The following YAF2 variants were observed in gnomAD, a reference collection of about 807,000 sequenced individuals.
YAF2 encodes the protein YY1-associated factor 2.
In YAF2, 7 loss-of-function variants were observed where a neutral mutation model predicts 20.1. That is an observed-to-expected ratio of 0.35 (90% CI 0.20 to 0.65). The LOEUF (loss-of-function observed/expected upper bound fraction) is 0.65. YAF2 is among the 30% of genes least tolerant of loss of function. The probability of loss-of-function intolerance (pLI) is 0.69; values close to 1 mark genes in which losing one functional copy is unlikely to be tolerated. For missense variants in YAF2, 151 were observed against 219.2 expected, an observed-to-expected ratio of 0.69 and a Z score of 1.96; for synonymous variants, 74 against 76.0, an observed-to-expected ratio of 0.97 and a Z score of 0.14.
At chr12:42,201,069 A>G (rs1284958628) in intron 2 of YAF2, among the ~76,000 whole-genome samples, 1 of 152,208 alleles carries the variant, frequency 6.6e-6, no homozygotes, top group Non-Finnish European at 1.5e-5. Context: ...AATACTAATT[A>G]ATGATAATAG....
Position 42,203,621 on chromosome 12 carries a change from T to C in YAF2, c.152+33978A>G, listed in dbSNP as rs1055738029. Among the ~76,000 whole-genome samples, 6 of 152,226 alleles carry C rather than the reference T, an allele frequency of 3.9e-5. No individual in the cohort carries two copies. In the East Asian group the frequency reaches 9.6e-4, roughly 24 times the overall value. On this transcript the variant is annotated intron_variant, in intron 2 of 3. Coordinates refer to ENST00000534854, the MANE Select transcript of YAF2 (RefSeq NM_005748.6). ...TTAATGGGTATTGAGTTTTAACATA[T>C]AGTTTTACTAAATTTATCTAGATTT... is the stretch of plus-strand genomic sequence containing the variant.
intron 2 of YAF2, chr12:42,199,218 G>C (rs1198322146): frequency 7.8e-7 from 1 of 1,288,912 alleles, no homozygotes; most frequent in African/African-American, 1.5e-5. Flanking sequence ...TGGTAACCAG[G>C]CTCTCTTCCT....
At chr12:42,198,886 TG>T (rs1403116119) in intron 2 of YAF2, among the ~76,000 whole-genome samples, 1 of 152,180 alleles carries the variant, frequency 6.6e-6, no homozygotes. Context: ...CAACTACATG[TG>T]GGTACTGAGC....
At chr12:42,221,525 C>T (rs1223779783) in intron 2 of YAF2, among the ~76,000 whole-genome samples, 2 of 152,162 alleles carry the variant, frequency 1.3e-5, no homozygotes, top group South Asian at 2.1e-4. Flanking sequence ...CACCACTGCA[C>T]TCCGGCCTGG....
intron 2 of YAF2, among the ~76,000 whole-genome samples, chr12:42,185,937 C>T (rs529544100): frequency 1.3e-5 from 2 of 152,198 alleles, no homozygotes; most frequent in Admixed American, 6.5e-5. Context: ...CAGTGGCTCA[C>T]GCCTGTAATC....
intron 1 of YAF2, 79 bp from the exon 2 acceptor site, chr12:42,237,803 C>G (rs2068226003): frequency 2.9e-6 from 3 of 1,050,266 alleles, no homozygotes; most frequent in Non-Finnish European, 3.5e-6. Flanking sequence ...CGCGGCCGCC[C>G]CCGCCCCGCC....
At chr12:42,228,062 G>A (rs1758921557) in intron 2 of YAF2, among the ~76,000 whole-genome samples, 1 of 111,206 alleles carries the variant, frequency 9.0e-6, no homozygotes, top group Admixed American at 8.1e-5. Flanking sequence ...CCGTCTGGGA[G>A]GTGAGGGGCG....
At chr12:42,211,865 A>G (rs895276015) in intron 2 of YAF2, among the ~76,000 whole-genome samples, 1 of 152,024 alleles carries the variant, frequency 6.6e-6, no homozygotes, top group Non-Finnish European at 1.5e-5. Flanking sequence ...CCTCACTAAC[A>G]TAGTGAAACC....
intron 2 of YAF2, among the ~76,000 whole-genome samples, chr12:42,202,694 A>G (rs1320073648): frequency 1.3e-5 from 2 of 152,166 alleles, no homozygotes; most frequent in African/African-American, 4.8e-5. Flanking sequence ...GTTGGAGTGC[A>G]ATGGCATGAT....
intron 2 of YAF2, among the ~76,000 whole-genome samples, chr12:42,165,040 G>GT (rs1429857464): frequency 6.8e-6 from 1 of 147,880 alleles, no homozygotes; most frequent in Non-Finnish European, 1.5e-5. Context: ...GGGTGACAGA[G>GT]TGAGACCCTG....
At chr12:42,163,607 T>C (rs773950316) in intron 2 of YAF2, among the ~76,000 whole-genome samples, 7 of 152,208 alleles carry the variant, frequency 4.6e-5, no homozygotes, top group Non-Finnish European at 1.0e-4. Flanking sequence ...ACTATTCCAT[T>C]TTTATTCTTA....
chr12:42,175,737 T>A (rs1488474698), intron 2 of YAF2, among the ~76,000 whole-genome samples: 3 of 10,734 alleles, frequency 2.8e-4, no homozygotes, highest in Non-Finnish European at 5.0e-4. Context: ...CAAGACTCTG[T>A]CTCAAAAAAA....
intron 2 of YAF2, among the ~76,000 whole-genome samples, chr12:42,230,057 GA>G (rs531076568): frequency 4.2e-4 from 64 of 152,198 alleles, no homozygotes; most frequent in African/African-American, 1.5e-3. Flanking sequence ...AGGAGATGGA[GA>G]CCATCCTGGC....
intron 2 of YAF2, among the ~76,000 whole-genome samples, chr12:42,181,868 T>A (rs1264984843): frequency 2.0e-5 from 3 of 152,118 alleles, no homozygotes; most frequent in African/African-American, 7.2e-5. Flanking sequence ...GTAATAAGTA[T>A]CTGAAAACTG....
At chr12:42,221,142 A>G (rs1362639487) in intron 2 of YAF2, among the ~76,000 whole-genome samples, 4 of 152,216 alleles carry the variant, frequency 2.6e-5, no homozygotes, top group Admixed American at 6.5e-5. Flanking sequence ...CATATTATTT[A>G]TAAGTAGTAG....
At chr12:42,168,265 G>A (rs894432645) in intron 2 of YAF2, among the ~76,000 whole-genome samples, 5 of 147,216 alleles carry the variant, frequency 3.4e-5, no homozygotes, top group South Asian at 2.1e-4. Context: ...TGCAACCTCC[G>A]CCTTGTGGGT....
chr12:42,193,143 T>C (rs2066658756), intron 2 of YAF2, among the ~76,000 whole-genome samples: 1 of 152,020 alleles, frequency 6.6e-6, no homozygotes, highest in Admixed American at 6.6e-5. Context: ...GGTGAAACCC[T>C]GTCTCTCCTA....
At chr12:42,218,603 G>A (rs2067428872) in intron 2 of YAF2, among the ~76,000 whole-genome samples, 1 of 152,024 alleles carries the variant, frequency 6.6e-6, no homozygotes, top group Non-Finnish European at 1.5e-5. Flanking sequence ...GGGGATTTTA[G>A]ACTTTAAGGA....
At chr12:42,184,397 T>C (rs921780492) in intron 2 of YAF2, among the ~76,000 whole-genome samples, 1 of 152,020 alleles carries the variant, frequency 6.6e-6, no homozygotes, top group Non-Finnish European at 1.5e-5. Context: ...GCAACCTCCA[T>C]CTCCCAGGTT....
Sources: allele counts gnomAD v4.1 joint callset (sites outside exome capture counted in the v4.1 genomes callset), GRCh38; gene constraint gnomAD v4.1.1; transcripts MANE v1.5; gene names NCBI Gene and HGNC (gene_info 2026-07-23, HGNC 2026-07-21).